The following MYO16 variants were observed in gnomAD, a reference collection of about 807,000 sequenced individuals.
MYO16 encodes the protein unconventional myosin-XVI.
A neutral mutation model predicts 205.3 loss-of-function variants in MYO16; 94 were observed. That is an observed-to-expected ratio of 0.46 (90% CI 0.39 to 0.54). The LOEUF (loss-of-function observed/expected upper bound fraction) is 0.54, where lower values mean the gene tolerates loss of function less well. Ranked by LOEUF, MYO16 falls within the 20% of genes least tolerant of loss-of-function variation. The probability of loss-of-function intolerance (pLI) is 0.00; values close to 1 mark genes in which losing one functional copy is unlikely to be tolerated. For missense variants in MYO16, 2,315 were observed against 2,387.5 expected, an observed-to-expected ratio of 0.97 and a Z score of 0.63; for synonymous variants, 988 against 954.0, an observed-to-expected ratio of 1.04 and a Z score of -0.66.
At chr13:109,074,994 C>T (rs1888045754) in intron 27 of MYO16, among the ~76,000 whole-genome samples, 1 of 152,188 alleles carries the variant, frequency 6.6e-6, no homozygotes, top group South Asian at 2.1e-4. Context: ...CGTCTGGTTT[C>T]CTTCACTCAG....
At chr13:109,123,471 C>T (rs368662297) in intron 29 of MYO16, among the ~76,000 whole-genome samples, 3 of 152,040 alleles carry the variant, frequency 2.0e-5, no homozygotes, top group African/African-American at 7.2e-5. Flanking sequence ...CAAGAAAGAA[C>T]GAGTGAACAG....
chr13:108,819,810 A>C (rs1875864759), intron 7 of MYO16, among the ~76,000 whole-genome samples: 1 of 152,184 alleles, frequency 6.6e-6, no homozygotes, highest in Non-Finnish European at 1.5e-5. Context: ...AACAAGTTAG[A>C]CTTCGATGAA....
intron 7 of MYO16, among the ~76,000 whole-genome samples, chr13:108,807,517 A>G (rs1011110993): frequency 3.3e-5 from 5 of 152,186 alleles, no homozygotes; most frequent in African/African-American, 9.7e-5. Flanking sequence ...TTGTGCTTCT[A>G]TGGTGATTCA....
intron 28 of MYO16, among the ~76,000 whole-genome samples, 173 bp downstream of exon 28, chr13:109,101,060 G>T (rs1486991923): frequency 6.6e-6 from 1 of 152,128 alleles, no homozygotes; most frequent in Admixed American, 6.6e-5. Flanking sequence ...ATGACTTACC[G>T]ATTTTAACAT....
At chr13:108,713,787 C>T (rs1281898835) in intron 3 of MYO16, among the ~76,000 whole-genome samples, 1 of 152,134 alleles carries the variant, frequency 6.6e-6, no homozygotes, top group Non-Finnish European at 1.5e-5. Flanking sequence ...AGAATATAGG[C>T]GTTTTCTCTC....
intron 32 of MYO16, among the ~76,000 whole-genome samples, chr13:109,163,487 C>CCTTCCCTCCCTCCCT (rs1878490536): frequency 6.8e-6 from 1 of 146,242 alleles, no homozygotes; most frequent in African/African-American, 2.5e-5. Flanking sequence ...CTCCATCCCT[C>CCTTCCCTCCCTCCCT]CCCACTCCCT....
chr13:108,713,195 C>T (rs955669544), intron 3 of MYO16, among the ~76,000 whole-genome samples: 2 of 151,972 alleles, frequency 1.3e-5, no homozygotes, highest in African/African-American at 4.8e-5. Context: ...TTATAAATAA[C>T]TGCATTTAAA....
At chr13:108,566,124 G>T in the MYO16 span, among the ~76,000 whole-genome samples, 26 of 151,892 alleles carry the variant, frequency 1.7e-4, no homozygotes, top group African/African-American at 6.0e-4. Context: ...TTAAATATTT[G>T]CTAGAATTCA....
Position 108,910,141 on chromosome 13 carries a change from G to T in MYO16, c.1916G>T (p.Cys639Phe). The change falls in exon 16 of 35, where the codon TGT becomes TTT. Residue 639 changes from cysteine (C) to phenylalanine (F), a missense_variant. Around this residue, in one of 3 missense-constraint regions of MYO16, gnomAD observed 1,213 missense variants for 1,274.4 expected, o/e 0.95. Transcript: ENST00000457511. ...TATGGACTTCATCTTAATAATTTATGTGCACACCGGTGAGTGACTAAGTAT... is the reference window on the plus strand; with the variant it reads ...TATGGACTTCATCTTAATAATTTATTTGCACACCGGTGAGTGACTAAGTAT... Reference protein sequence around the residue: ...EKYGLHLNNLCAHRYLNQTIQ... With the variant: ...EKYGLHLNNLFAHRYLNQTIQ... 1 of 1,612,430 alleles carries T rather than the reference G, an allele frequency of 6.2e-7. No individual in the cohort carries two copies. Among genetic ancestry groups the T allele is most frequent in the South Asian group, 1.1e-5 (1 of 90,978 alleles).
intron 15 of MYO16, among the ~76,000 whole-genome samples, chr13:108,903,892 G>A (rs893735720): frequency 1.3e-5 from 2 of 152,150 alleles, no homozygotes; most frequent in Non-Finnish European, 2.9e-5. Context: ...CTCAAACCAG[G>A]TCAAATAAGT....
At chr13:108,710,853 A>G (rs551199863) in intron 2 of MYO16, among the ~76,000 whole-genome samples, 7 of 152,346 alleles carry the variant, frequency 4.6e-5, no homozygotes, top group African/African-American at 1.7e-4. Context: ...CACTTATGCT[A>G]TTTCTTTGCA....
the MYO16 span, among the ~76,000 whole-genome samples, chr13:108,510,449 A>C: frequency 1.1e-5 from 1 of 88,610 alleles, no homozygotes; most frequent in African/African-American, 4.5e-5. Context: ...TTTATATTTA[A>C]CATTGATAGC....
chr13:108,965,473 C>T (rs1883758558), intron 20 of MYO16, among the ~76,000 whole-genome samples: 1 of 152,158 alleles, frequency 6.6e-6, no homozygotes, highest in South Asian at 2.1e-4. Flanking sequence ...CGGGCACAAT[C>T]TGGACTCACT....
intron 1 of MYO16, among the ~76,000 whole-genome samples, chr13:108,646,322 A>G (rs1880753985): frequency 1.3e-5 from 2 of 152,232 alleles, no homozygotes; most frequent in Non-Finnish European, 2.9e-5. Context: ...AGAGGCACAC[A>G]GATGAACCAC....
chr13:109,116,624 G>C (rs1875701944), intron 28 of MYO16, among the ~76,000 whole-genome samples: 1 of 152,074 alleles, frequency 6.6e-6, no homozygotes, highest in Admixed American at 6.6e-5. Context: ...CAACCTCTGT[G>C]TCTACTCTTC....
intron 4 of MYO16, among the ~76,000 whole-genome samples, chr13:108,776,934 G>T (rs780387472): frequency 2.0e-5 from 3 of 152,060 alleles, no homozygotes; most frequent in Non-Finnish European, 4.4e-5. Context: ...GAGAACAGTG[G>T]GTGTATGCCT....
At chr13:108,751,290 C>T (rs548881211) in intron 4 of MYO16, among the ~76,000 whole-genome samples, 1 of 152,090 alleles carries the variant, frequency 6.6e-6, no homozygotes, top group East Asian at 1.9e-4. Flanking sequence ...GCTTGTAGTG[C>T]TTGAAACTTG....
chr13:109,167,841 A>C (rs555520426), intron 33 of MYO16, among the ~76,000 whole-genome samples: 103 of 152,288 alleles, frequency 6.8e-4, no homozygotes, highest in African/African-American at 2.4e-3. Flanking sequence ...ACTGCCCCCC[A>C]AAAATTCCTG....
At chr13:109,113,352 AAGAGAGGGAGGAAGG>A (rs2139742847) in intron 28 of MYO16, among the ~76,000 whole-genome samples, 1 of 127,372 alleles carries the variant, frequency 7.9e-6, no homozygotes, top group East Asian at 2.4e-4. Flanking sequence ...AGAAGGAAGG[AAGAGAGGGAGGAAGG>A]GAGGGAGGAG....
Sources: allele counts gnomAD v4.1 joint callset (sites outside exome capture counted in the v4.1 genomes callset), GRCh38; gene constraint gnomAD v4.1.1; regional missense constraint gnomAD v4.1.1; transcripts MANE v1.5; gene names NCBI Gene and HGNC (gene_info 2026-07-23, HGNC 2026-07-21).